Variants in PTPRK observed in about 807,000 individuals in gnomAD.
PTPRK encodes protein tyrosine phosphatase receptor type K, also known as receptor-type tyrosine-protein phosphatase kappa.
In PTPRK, 75 loss-of-function variants were observed where a neutral mutation model predicts 178.0. The observed-to-expected ratio is 0.42, with a 90% CI of 0.35 to 0.51. The LOEUF is 0.51. Ranked by LOEUF, PTPRK falls within the 20% of genes least tolerant of loss-of-function variation. The pLI is 0.02. For synonymous variants in PTPRK, 637 were observed against 620.6 expected, an observed-to-expected ratio of 1.03 and a Z score of -0.39; for missense variants, 1,441 against 1,797.8, an observed-to-expected ratio of 0.80 and a Z score of 3.59.
intron 3 of PTPRK, among the ~76,000 whole-genome samples, chr6:128,305,325 T>A (rs17456343): frequency 0.076 from 11,630 of 152,232 alleles, 500 homozygotes; most frequent in African/African-American, 0.11. Context: ...CTTCTACATC[T>A]TTAGTAGCTT....
chr6:128,098,527 G>A (rs1313116676), intron 7 of PTPRK, among the ~76,000 whole-genome samples: 1 of 152,116 alleles, frequency 6.6e-6, no homozygotes, highest in Admixed American at 6.6e-5. Flanking sequence ...CAGTGGATAT[G>A]TAAGTCAGCC....
At chr6:128,038,090 T>C (rs979667578) in intron 13 of PTPRK, among the ~76,000 whole-genome samples, 2 of 152,164 alleles carry the variant, frequency 1.3e-5, no homozygotes, top group Non-Finnish European at 2.9e-5. Flanking sequence ...AAGACTTCTA[T>C]CAAAACATCT....
At chr6:128,018,738 A>C (rs1454708875) in intron 13 of PTPRK, among the ~76,000 whole-genome samples, 2 of 152,096 alleles carry the variant, frequency 1.3e-5, no homozygotes, top group Non-Finnish European at 2.9e-5. Flanking sequence ...GATTCGAATA[A>C]AGTTCTCTTT....
intron 1 of PTPRK, among the ~76,000 whole-genome samples, chr6:128,398,930 T>C (rs182850194): frequency 6.6e-6 from 1 of 152,334 alleles, no homozygotes; most frequent in East Asian, 1.9e-4. Flanking sequence ...TTAGGCGATG[T>C]GTACAGGCAC....
chr6:128,444,340 A>C (rs1264964848), intron 1 of PTPRK, among the ~76,000 whole-genome samples: 1 of 152,096 alleles, frequency 6.6e-6, no homozygotes, highest in Non-Finnish European at 1.5e-5. Context: ...GTATCTCACC[A>C]CCCTGGCTTG....
At chr6:128,104,383 C>T (rs532494276) in intron 7 of PTPRK, among the ~76,000 whole-genome samples, 4 of 152,234 alleles carry the variant, frequency 2.6e-5, no homozygotes, top group African/African-American at 7.2e-5. Context: ...CTGGCCACTA[C>T]GCCGGGCTTT....
At chr6:128,015,840 A>C (rs1243139755) in intron 13 of PTPRK, among the ~76,000 whole-genome samples, 1 of 151,778 alleles carries the variant, frequency 6.6e-6, no homozygotes, top group African/African-American at 2.4e-5. Flanking sequence ...ATAATACCAA[A>C]CTATTACCAA....
At chr6:128,302,375 G>A (rs1825758273) in intron 3 of PTPRK, among the ~76,000 whole-genome samples, 1 of 114,304 alleles carries the variant, frequency 8.7e-6, no homozygotes, top group Non-Finnish European at 1.7e-5. Flanking sequence ...CTGGGCGACA[G>A]AGGAAGACTC....
chr6:128,159,114 C>T (rs1260577243), intron 7 of PTPRK, among the ~76,000 whole-genome samples: 1 of 151,714 alleles, frequency 6.6e-6, no homozygotes, highest in Non-Finnish European at 1.5e-5. Context: ...ACAGAAATGC[C>T]TCTTTTATAT....
chr6:128,319,877 C>T (rs1411614518), intron 3 of PTPRK, among the ~76,000 whole-genome samples: 1 of 152,076 alleles, frequency 6.6e-6, no homozygotes, highest in Non-Finnish European at 1.5e-5. Context: ...TTGATAAAAA[C>T]ATCAAACAAG....
intron 6 of PTPRK, among the ~76,000 whole-genome samples, chr6:128,188,218 C>T (rs934095771): frequency 2.6e-5 from 4 of 151,980 alleles, no homozygotes; most frequent in South Asian, 2.1e-4. Flanking sequence ...TTATAAAACC[C>T]GAATTATATA....
chr6:128,225,829 A>G (rs1246363851), intron 5 of PTPRK, among the ~76,000 whole-genome samples: 1 of 152,156 alleles, frequency 6.6e-6, no homozygotes. Flanking sequence ...ACTATTGACT[A>G]TCTGGCAATG....
chr6:128,313,257 T>C (rs1408175445), intron 3 of PTPRK, among the ~76,000 whole-genome samples: 2 of 152,108 alleles, frequency 1.3e-5, no homozygotes, highest in African/African-American at 2.4e-5. Flanking sequence ...ATAGTGCTAT[T>C]GTGAGGATGA....
intron 1 of PTPRK, among the ~76,000 whole-genome samples, chr6:128,449,941 CAAAA>C (rs5879890): frequency 3.9e-5 from 5 of 128,338 alleles, no homozygotes; most frequent in Non-Finnish European, 4.9e-5. Flanking sequence ...ACTAAAAATG[CAAAA>C]AAAAAAAAAA....
At chr6:128,044,648 AT>A (rs5879875) in intron 13 of PTPRK, among the ~76,000 whole-genome samples, 129,219 of 150,870 alleles carry the variant, frequency 0.86, 55,503 homozygotes, top group East Asian at 1. Context: ...AGACAGGCTA[AT>A]TTTTTTTTTT....
chr6:127,979,572 C>G (rs191071292), intron 25 of PTPRK, among the ~76,000 whole-genome samples: 3 of 152,316 alleles, frequency 2.0e-5, no homozygotes, highest in Non-Finnish European at 1.5e-5. Context: ...CCAGGCAAGA[C>G]TCCGATCACA....
In PTPRK at chr6:128,005,020, C is replaced by T. The variant is rs576509008; in HGVS notation, c.2494+64G>A. The T allele has an allele frequency of 2.8e-4, 380 of 1,378,216 alleles. 11 individuals carry two copies. The South Asian group carries it at 4.7e-3, about 17-fold the overall frequency. The allele number at this position is 1,378,216 out of a possible 1,614,324, so 85.4% of individuals were successfully genotyped here. On this transcript the variant is annotated intron_variant, in intron 15 of 29. Transcript: ENST00000368226. Reference sequence around the variant, plus strand: ...CTCTCTCTCATTACTCAAAAGGTATCGTGTAGAATTCAAAGTGAAATGAGT... The same window carrying T: ...CTCTCTCTCATTACTCAAAAGGTATTGTGTAGAATTCAAAGTGAAATGAGT...
At chr6:128,222,000 T>C (rs77505474) in intron 5 of PTPRK, among the ~76,000 whole-genome samples, 2,763 of 152,276 alleles carry the variant, frequency 0.018, 53 homozygotes, top group African/African-American at 0.043. Flanking sequence ...TATACAACCT[T>C]ATCTGGGCTT....
At chr6:128,092,933 A>T (rs984035693) in intron 7 of PTPRK, among the ~76,000 whole-genome samples, 34 of 152,342 alleles carry the variant, frequency 2.2e-4, no homozygotes, top group Non-Finnish European at 4.1e-4. Context: ...TATTGTTTGG[A>T]AACCACTGAT....
Sources: gnomAD v4.1 joint callset for allele counts (sites outside exome capture counted in the v4.1 genomes callset) on GRCh38, gnomAD v4.1.1 for gene constraint, MANE v1.5 for transcripts, NCBI Gene and HGNC (gene_info 2026-07-23, HGNC 2026-07-21) for gene names.